The following ZZEF1 variants were observed in gnomAD, a reference collection of about 807,000 sequenced individuals.
ZZEF1 encodes zinc finger ZZ-type and EF-hand domain-containing protein 1.
In ZZEF1, 157 loss-of-function variants were observed where a neutral mutation model predicts 342.8. That is an observed-to-expected ratio of 0.46 (90% CI 0.40 to 0.52). The LOEUF is 0.52. Ranked by LOEUF, ZZEF1 falls within the 20% of genes least tolerant of loss-of-function variation. ZZEF1 has a pLI of 0.00. For missense variants in ZZEF1, 3,480 were observed against 3,725.6 expected (o/e 0.93, Z 1.72); for synonymous variants, 1,505 against 1,429.1 (o/e 1.05, Z -1.20).
chr17:4,127,059 G>A (rs533439167), intron 1 of ZZEF1, among the ~76,000 whole-genome samples: 2 of 151,500 alleles, frequency 1.3e-5, no homozygotes, highest in South Asian at 4.2e-4. Flanking sequence ...CAAGGTTGGA[G>A]TGCAGTAGTG....
At chr17:4,039,218 A>T (rs2056743471) in intron 39 of ZZEF1, among the ~76,000 whole-genome samples, 1 of 152,184 alleles carries the variant, frequency 6.6e-6, no homozygotes, top group Admixed American at 6.5e-5. Flanking sequence ...CTGTAATCCC[A>T]GCACTTTGGG....
Position 4,142,992 on chromosome 17 carries a change from G to A in ZZEF1, c.-97C>T, listed in dbSNP as rs549467104. ...GACAGCAGCTGGCGGGCGGGGACGC[G>A]GAGGAGACGACGGCGGCCCCTGCGG... On this transcript the variant is annotated 5_prime_UTR_variant, in exon 1 of 55. Coordinates refer to ENST00000381638, the MANE Select transcript of ZZEF1 (RefSeq NM_015113.4). The A allele has an allele frequency of 8.7e-6, 11 of 1,270,538 alleles. No homozygotes were observed. Among genetic ancestry groups the A allele is most frequent in the South Asian group, 3.1e-5 (1 of 32,552 alleles). 78.7% of individuals were successfully genotyped at this position (1,270,538 alleles called of 1,614,324 possible).
chr17:4,142,789 C>T lies in ZZEF1; in HGVS notation c.107G>A (p.Gly36Asp). 1.4e-6 allele frequency: 2 copies of T among 1,416,320 alleles called. No homozygotes were observed. The highest frequency in any genetic ancestry group is 9.1e-7 in the Non-Finnish European group (1 of 1,097,060). 87.7% of individuals were successfully genotyped at this position (1,416,320 alleles called of 1,614,324 possible). ...TAGCGCTGGAGCCGCGACGCCCGGG[C>T]CGGGGGTCGTGCCCGAGACCGCGGC... Reference protein sequence around the residue: ...DWAAVSGTTPGPGVAAPALPP... With the variant: ...DWAAVSGTTPDPGVAAPALPP... Residue 36 changes from glycine (G) to aspartate (D), a missense_variant, in exon 1 of 55, where the codon GGC becomes GAC. Physicochemically the swap from Gly to Asp is moderately conservative, Grantham distance 94. This residue lies in a region of ZZEF1 where 416 missense variants were observed against 374.2 expected (regional missense o/e 1.11). Transcript: ENST00000381638.
intron 17 of ZZEF1, 102 bp downstream of exon 17, chr17:4,082,334 AG>A (rs1456365008): frequency 2.8e-6 from 3 of 1,074,894 alleles, no homozygotes; most frequent in Non-Finnish European, 4.1e-6. Context: ...ACTGAGTGGC[AG>A]GAAGTACTAC....
chr17:4,023,320 C>T (rs903270315), intron 43 of ZZEF1, among the ~76,000 whole-genome samples: 1 of 152,172 alleles, frequency 6.6e-6, no homozygotes, highest in African/African-American at 2.4e-5. Flanking sequence ...GCCGGTCAGA[C>T]CACAAGCTCC....
chr17:4,061,430 C>T (rs1173138502), intron 30 of ZZEF1, among the ~76,000 whole-genome samples: 2 of 152,046 alleles, frequency 1.3e-5, no homozygotes, highest in Non-Finnish European at 2.9e-5. Flanking sequence ...CATCTCTGCA[C>T]CCTTTCTAGG....
intron 18 of ZZEF1, among the ~76,000 whole-genome samples, chr17:4,079,428 A>G (rs960720012): frequency 6.6e-6 from 1 of 152,208 alleles, no homozygotes; most frequent in Admixed American, 6.5e-5. Context: ...AGAAATAAGG[A>G]TGGAGATTCG....
rs373957147 is a variant in ZZEF1, at chr17:4,016,356, C to A, written c.8112G>T (p.Ser2704=). The stretch of plus-strand genomic sequence containing the variant: ...TGGTGTTGTTGTTATACGGGTGTTT[C>A]GACTCCCTCACTTGCACCTCCATTC... ...EPGMEVQVRE[S]KHPYNNNTNF... The change falls in exon 49 of 55, where the codon TCG becomes TCT. Residue 2704 remains serine (S), a synonymous_variant. Transcript: ENST00000381638. The surrounding 1 kb of genome is among the most constrained non-coding windows in gnomAD (Gnocchi z 4.4). 6.2e-7 allele frequency: 1 copy of A among 1,614,138 alleles called. No individual in the cohort carries two copies. Among genetic ancestry groups the A allele is most frequent in the Middle Eastern group, 1.6e-4 (1 of 6,062 alleles).
intron 1 of ZZEF1, among the ~76,000 whole-genome samples, chr17:4,137,391 A>G (rs570007024): frequency 2.6e-5 from 4 of 152,306 alleles, no homozygotes; most frequent in African/African-American, 9.6e-5. Context: ...TGGGCGGATC[A>G]CAAGGTCAGG....
At chr17:4,114,514 A>G in intron 3 of ZZEF1, 44 bp from the exon 4 acceptor site, 1 of 1,377,148 alleles carries the variant, frequency 7.3e-7, no homozygotes, top group Middle Eastern at 1.9e-4. Flanking sequence ...CCCTTTCACA[A>G]AGGGAAAAAA....
chr17:4,068,724 C>T (rs1057015754), intron 26 of ZZEF1, among the ~76,000 whole-genome samples: 1 of 152,152 alleles, frequency 6.6e-6, no homozygotes, highest in Non-Finnish European at 1.5e-5. Context: ...ATTCCTGAAG[C>T]CCTGGAATAC....
At chr17:4,042,643 GTCCC>G in intron 38 of ZZEF1, 75 bp from the exon 39 acceptor site, 1 of 1,431,408 alleles carries the variant, frequency 7.0e-7, no homozygotes, top group Non-Finnish European at 9.5e-7. Context: ...CCACTGCACT[GTCCC>G]CTGTGCTGCT....
chr17:4,085,043 T>TA (rs1408203188), intron 16 of ZZEF1, among the ~76,000 whole-genome samples: 25 of 152,274 alleles, frequency 1.6e-4, no homozygotes, highest in Admixed American at 9.8e-4. Flanking sequence ...GCCTGGGAGA[T>TA]AGAGAATGCA....
At position 4,017,161 on chromosome 17, in the gene ZZEF1, C is replaced by A; in HGVS notation, c.8001+210G>T. 1 of 611,632 alleles carries A rather than the reference C, an allele frequency of 1.6e-6. No homozygotes were observed. Among genetic ancestry groups the A allele is most frequent in the Non-Finnish European group, 2.7e-6 (1 of 372,254 alleles). The allele number at this position is 611,632 out of a possible 1,614,324, so 37.9% of individuals were successfully genotyped here. On this transcript the variant is annotated intron_variant, in intron 48 of 54. Coordinates refer to ENST00000381638, the MANE Select transcript of ZZEF1 (RefSeq NM_015113.4). The surrounding 1 kb of genome is among the most constrained non-coding windows in gnomAD (Gnocchi z 5.1). Reference sequence around the variant, plus strand: ...AAGATGGCGACAAAGCTTTCTGGTTCAGCTGGAAATCGCGCTCAGGGCCCC... The same window carrying A: ...AAGATGGCGACAAAGCTTTCTGGTTAAGCTGGAAATCGCGCTCAGGGCCCC...
At chr17:4,053,459 CA>C (rs1257056252) in intron 34 of ZZEF1, among the ~76,000 whole-genome samples, 1 of 152,232 alleles carries the variant, frequency 6.6e-6, no homozygotes, top group Non-Finnish European at 1.5e-5. Context: ...TTCCCTGCAG[CA>C]ATGCTGCTAC....
Position 4,016,298 on chromosome 17 carries a change from T to C in ZZEF1, c.8145+25A>G, listed in dbSNP as rs369596002. On this transcript the variant is annotated intron_variant, in intron 49 of 54. Transcript: ENST00000381638. This position sits in a 1 kb window ranked among gnomAD's most constrained non-coding sequence, Gnocchi z 4.4. ...GGTCTCTGCGGCTCAGTCGCTCTTA[T>C]GGGGCCTGCCGGCCCCAGGCTTACC... is the stretch of plus-strand genomic sequence containing the variant. 13 of 1,601,956 alleles carry C rather than the reference T, an allele frequency of 8.1e-6. No individual in the cohort carries two copies. In the African/African-American group the frequency reaches 1.2e-4, roughly 15 times the overall value.
chr17:4,104,854 A>G (rs2058184784), intron 7 of ZZEF1, 43 bp from the exon 8 acceptor site: 1 of 1,583,000 alleles, frequency 6.3e-7, no homozygotes, highest in Non-Finnish European at 8.6e-7. Context: ...TAAAAACATG[A>G]AAAAATCCAG....
intron 12 of ZZEF1, 58 bp from the exon 13 acceptor site, chr17:4,088,951 A>C: frequency 1.3e-6 from 2 of 1,540,688 alleles, no homozygotes; most frequent in Non-Finnish European, 1.8e-6. Flanking sequence ...ATATTGATTA[A>C]AGAGGGAAAA....
chr17:4,134,248 G>A (rs2058712847), intron 1 of ZZEF1, among the ~76,000 whole-genome samples: 1 of 151,002 alleles, frequency 6.6e-6, no homozygotes, highest in African/African-American at 2.4e-5. Flanking sequence ...GAACCTAGGA[G>A]GTCAAGGCTG....
Sources: gnomAD v4.1 joint callset for allele counts (sites outside exome capture counted in the v4.1 genomes callset) on GRCh38, gnomAD v4.1.1 for gene constraint, gnomAD v4.1.1 regional missense constraint, Gnocchi (gnomAD v3.1) non-coding constraint, MANE v1.5 for transcripts, NCBI Gene and HGNC (gene_info 2026-07-23, HGNC 2026-07-21) for gene names.